The following FOXP1 variants were observed in gnomAD, a reference collection of about 807,000 sequenced individuals.
The protein encoded by FOXP1 is forkhead box protein P1.
Under a neutral mutation model 98.2 loss-of-function variants are expected in FOXP1, and 15 were observed. The observed-to-expected ratio is 0.15, with a 90% confidence interval of 0.10 to 0.24. The LOEUF (loss-of-function observed/expected upper bound fraction) is 0.24. FOXP1 is among the 10% of genes least tolerant of loss of function. The pLI, the probability that FOXP1 is intolerant of heterozygous loss-of-function variation, is 1.00. For missense variants in FOXP1, 633 were observed against 848.5 expected (o/e 0.75, Z 3.15); for synonymous variants, 371 against 314.5 (o/e 1.18, Z -1.90).
At chr3:71,449,057 G>A (rs1462469773) in intron 3 of FOXP1, among the ~76,000 whole-genome samples, 6 of 152,100 alleles carry the variant, frequency 3.9e-5, no homozygotes, top group Admixed American at 6.6e-5. Flanking sequence ...CTGCCAATTC[G>A]GGGAAACTAC....
chr3:70,989,462 G>A (rs866243411), intron 13 of FOXP1, among the ~76,000 whole-genome samples: 7 of 152,114 alleles, frequency 4.6e-5, no homozygotes, highest in African/African-American at 7.2e-5. Flanking sequence ...CTGTTCTTTA[G>A]TAAGTTATTG....
At chr3:71,544,976 C>T (rs929946742) in intron 2 of FOXP1, among the ~76,000 whole-genome samples, 4 of 152,026 alleles carry the variant, frequency 2.6e-5, no homozygotes, top group Non-Finnish European at 4.4e-5. Context: ...TAAAGCAATA[C>T]GCTGAATTTG....
intron 7 of FOXP1, among the ~76,000 whole-genome samples, chr3:71,110,280 T>C (rs2057804637): frequency 6.6e-6 from 1 of 152,138 alleles, no homozygotes. Context: ...TGAGGGAAAA[T>C]AATTCTACCA....
At chr3:71,506,408 C>T (rs930264758) in intron 2 of FOXP1, among the ~76,000 whole-genome samples, 3 of 152,114 alleles carry the variant, frequency 2.0e-5, no homozygotes, top group East Asian at 1.9e-4. Context: ...TCCACGGCGG[C>T]GTATCTGCTA....
At chr3:71,050,861 TAG>T (rs1384771041) in intron 9 of FOXP1, among the ~76,000 whole-genome samples, 2 of 152,340 alleles carry the variant, frequency 1.3e-5, no homozygotes, top group South Asian at 2.1e-4. Context: ...GTTCATTAAT[TAG>T]AGAGTTGTGA....
intron 6 of FOXP1, among the ~76,000 whole-genome samples, chr3:71,184,326 A>G (rs544348338): frequency 1.2e-4 from 18 of 152,292 alleles, no homozygotes; most frequent in Non-Finnish European, 1.9e-4. Context: ...AATAGGGTGT[A>G]CAAATTTACA....
At chr3:71,214,468 G>A (rs1277199705) in intron 5 of FOXP1, among the ~76,000 whole-genome samples, 1 of 152,110 alleles carries the variant, frequency 6.6e-6, no homozygotes, top group East Asian at 1.9e-4. Context: ...GTCTGATAAT[G>A]CCAGATTCTC....
intron 13 of FOXP1, among the ~76,000 whole-genome samples, chr3:70,990,026 C>A (rs952062477): frequency 6.6e-6 from 1 of 152,198 alleles, no homozygotes; most frequent in African/African-American, 2.4e-5. Context: ...CTGGAAGTAA[C>A]TGCCATCGGA....
intron 3 of FOXP1, among the ~76,000 whole-genome samples, chr3:71,389,079 T>C (rs2080823569): frequency 6.6e-6 from 1 of 152,054 alleles, no homozygotes; most frequent in Admixed American, 6.5e-5. Context: ...AAAAAAAATT[T>C]AGTATTTGTG....
chr3:71,059,289 C>G (rs1316678249), intron 7 of FOXP1, among the ~76,000 whole-genome samples: 1 of 152,172 alleles, frequency 6.6e-6, no homozygotes, highest in Admixed American at 6.5e-5. Context: ...CAGCAATGCT[C>G]TCCGAGCTCT....
At chr3:71,236,845 C>A in intron 5 of FOXP1, among the ~76,000 whole-genome samples, 1 of 151,132 alleles carries the variant, frequency 6.6e-6, no homozygotes, top group East Asian at 1.9e-4. Context: ...TGCACTCCAG[C>A]CTGAGTGACA....
intron 3 of FOXP1, among the ~76,000 whole-genome samples, chr3:71,423,103 T>C (rs1438543367): frequency 1.3e-5 from 2 of 152,086 alleles, no homozygotes; most frequent in African/African-American, 2.4e-5. Context: ...ATGTCTCTGG[T>C]TCAACAGGTT....
chr3:71,425,541 T>G (rs909517556), intron 3 of FOXP1, among the ~76,000 whole-genome samples: 12 of 152,192 alleles, frequency 7.9e-5, no homozygotes, highest in Admixed American at 7.9e-4. Flanking sequence ...CTCAACTTCC[T>G]GGTGTATAAC....
intron 9 of FOXP1, among the ~76,000 whole-genome samples, chr3:71,050,399 G>A (rs1425908421): frequency 6.6e-6 from 1 of 152,084 alleles, no homozygotes; most frequent in Non-Finnish European, 1.5e-5. Flanking sequence ...CGCAATCCCT[G>A]GTAACTGATA....
intron 13 of FOXP1, 59 bp downstream of exon 13, chr3:71,000,913 A>G (rs1250957279): frequency 1.2e-5 from 13 of 1,106,524 alleles, no homozygotes; most frequent in Non-Finnish European, 1.8e-5. Flanking sequence ...ACAGAACACT[A>G]CAGAAATCTG....
Position 71,149,055 on chromosome 3 carries a change from T to C in FOXP1, c.181-36418A>G, listed in dbSNP as rs9310207. On this transcript the variant is annotated intron_variant, in intron 6 of 20. Coordinates refer to ENST00000649528, the MANE Select transcript of FOXP1 (RefSeq NM_001349338.3). Reference sequence around the variant, plus strand: ...ACGTGCTTGTACAGTTAGTCAATAATAGTTCTTCTGCAATTATTAGGCCAG... The same window carrying C: ...ACGTGCTTGTACAGTTAGTCAATAACAGTTCTTCTGCAATTATTAGGCCAG... Among the ~76,000 whole-genome samples, 1,154 of 152,312 alleles carry C rather than the reference T, an allele frequency of 7.6e-3. 14 individuals carry two copies. The highest frequency in any genetic ancestry group is 0.026 in the African/African-American group (1,096 of 41,560).
intron 3 of FOXP1, among the ~76,000 whole-genome samples, chr3:71,376,527 T>C (rs1404291433): frequency 1.3e-5 from 2 of 152,222 alleles, no homozygotes; most frequent in Admixed American, 1.3e-4. Flanking sequence ...AAGATCTGGT[T>C]TCAAATTCTG....
intron 10 of FOXP1, 119 bp from the exon 11 acceptor site, chr3:71,041,651 T>A: frequency 1.0e-6 from 1 of 987,312 alleles, no homozygotes; most frequent in Non-Finnish European, 1.6e-6. Flanking sequence ...TTTCGGTGTG[T>A]GCAGTTTTTT....
intron 2 of FOXP1, among the ~76,000 whole-genome samples, chr3:71,501,586 C>T (rs1005987356): frequency 1.3e-5 from 2 of 152,080 alleles, no homozygotes; most frequent in Non-Finnish European, 2.9e-5. Flanking sequence ...GCCACCGTGC[C>T]CAGCCCAAAA....
Sources: gnomAD v4.1 joint callset for allele counts (sites outside exome capture counted in the v4.1 genomes callset) on GRCh38, gnomAD v4.1.1 for gene constraint, MANE v1.5 for transcripts, NCBI Gene and HGNC (gene_info 2026-07-23, HGNC 2026-07-21) for gene names.